Variants in CNTN5 observed in about 807,000 individuals in gnomAD.
CNTN5 encodes contactin 5.
A neutral mutation model predicts 129.1 loss-of-function variants in CNTN5; 77 were observed. The observed-to-expected ratio is 0.60, with a 90% CI of 0.50 to 0.72. The LOEUF (loss-of-function observed/expected upper bound fraction) is 0.72, where lower values mean the gene tolerates loss of function less well. CNTN5 is among the 30% of genes least tolerant of loss of function. The pLI is 0.00. For missense variants in CNTN5, 1,478 were observed against 1,328.8 expected (o/e 1.11, Z -1.75); for synonymous variants, 509 against 465.6 (o/e 1.09, Z -1.20).
At chr11:99,262,262 G>C (rs1356319352) in intron 1 of CNTN5, among the ~76,000 whole-genome samples, 1 of 151,988 alleles carries the variant, frequency 6.6e-6, no homozygotes, top group Non-Finnish European at 1.5e-5. Flanking sequence ...ACCTTACTCA[G>C]AGAGAATTCA....
chr11:99,825,370 C>G (rs1946921630), intron 4 of CNTN5, among the ~76,000 whole-genome samples: 1 of 151,934 alleles, frequency 6.6e-6, no homozygotes, highest in Non-Finnish European at 1.5e-5. Flanking sequence ...AGAAATTTCT[C>G]AAGTATAACA....
intron 2 of CNTN5, among the ~76,000 whole-genome samples, chr11:99,379,289 TGAA>T (rs926786601): frequency 2.6e-5 from 4 of 151,170 alleles, no homozygotes; most frequent in African/African-American, 7.3e-5. Flanking sequence ...ATAACTATGA[TGAA>T]GTTGATTTTT....
intron 3 of CNTN5, among the ~76,000 whole-genome samples, chr11:99,580,343 A>T (rs1313418877): frequency 6.6e-6 from 1 of 152,212 alleles, no homozygotes; most frequent in African/African-American, 2.4e-5. Flanking sequence ...TGCTGGCCTC[A>T]TAAAATGAGT....
Position 99,778,323 on chromosome 11 carries a change from G to A in CNTN5, c.56-41221G>A, listed in dbSNP as rs1054407651. ...CTTGATCAATATTGAGCAATGATTA[G>A]GTGTAGGTCTATGACATCACCTTAC... is the stretch of plus-strand genomic sequence containing the variant. On this transcript the variant is annotated intron_variant, in intron 3 of 24. Transcript: ENST00000524871. Among the ~76,000 whole-genome samples the A allele has an allele frequency of 2.6e-5, 4 of 151,850 alleles. No individual in the cohort carries two copies. The East Asian group carries it at 5.9e-4, about 22-fold the overall frequency.
chr11:99,062,362 C>CT (rs1258408420), intron 1 of CNTN5, among the ~76,000 whole-genome samples: 1 of 152,056 alleles, frequency 6.6e-6, no homozygotes, highest in Non-Finnish European at 1.5e-5. Context: ...CCTACCTGGG[C>CT]AAGGGATTGG....
At chr11:99,596,132 C>T (rs1189931109) in intron 3 of CNTN5, among the ~76,000 whole-genome samples, 3 of 152,126 alleles carry the variant, frequency 2.0e-5, no homozygotes, top group African/African-American at 7.2e-5. Flanking sequence ...TAAATTAAAG[C>T]TTTTGCAGGA....
In CNTN5 at chr11:99,863,003, G is replaced by T. The variant is rs544158998; in HGVS notation, c.577+17741G>T. ...CTAAAAAGTATAAATAGCAATCTAG[G>T]TCATCAACTTGTATTGCTTTATTAT... On this transcript the variant is annotated intron_variant, in intron 6 of 24. Transcript: ENST00000524871. Among the ~76,000 whole-genome samples, 4 of 152,096 alleles carry T rather than the reference G, an allele frequency of 2.6e-5. No individual in the cohort carries two copies. In the East Asian group the frequency reaches 7.7e-4, roughly 29 times the overall value.
At chr11:100,306,861 A>T (rs959863994) in intron 20 of CNTN5, among the ~76,000 whole-genome samples, 1 of 151,748 alleles carries the variant, frequency 6.6e-6, no homozygotes, top group African/African-American at 2.4e-5. Flanking sequence ...TCAAAAGGTG[A>T]CAGAATGAGA....
intron 9 of CNTN5, among the ~76,000 whole-genome samples, chr11:100,028,680 A>G (rs1941549102): frequency 6.6e-6 from 1 of 152,184 alleles, no homozygotes; most frequent in Non-Finnish European, 1.5e-5. Flanking sequence ...CATGGTGTCA[A>G]CTGAAAATAG....
At chr11:100,276,192 C>A (rs1187576110) in intron 18 of CNTN5, among the ~76,000 whole-genome samples, 1 of 152,016 alleles carries the variant, frequency 6.6e-6, no homozygotes, top group Non-Finnish European at 1.5e-5. Flanking sequence ...TGCCAAAAAA[C>A]AGAATTTTTC....
At chr11:99,101,588 A>G (rs983036031) in intron 1 of CNTN5, among the ~76,000 whole-genome samples, 2 of 152,234 alleles carry the variant, frequency 1.3e-5, no homozygotes, top group Non-Finnish European at 2.9e-5. Context: ...TACAGGCCCT[A>G]TGCCAGTTTA....
chr11:99,037,557 T>G (rs1445279878), intron 1 of CNTN5, among the ~76,000 whole-genome samples: 1 of 150,872 alleles, frequency 6.6e-6, no homozygotes, highest in East Asian at 2.0e-4. Context: ...GGGACATATT[T>G]TTCCTTCTTT....
At chr11:99,783,889 G>T (rs1419653599) in intron 3 of CNTN5, among the ~76,000 whole-genome samples, 1 of 151,608 alleles carries the variant, frequency 6.6e-6, no homozygotes, top group Admixed American at 6.6e-5. Flanking sequence ...GTTAGTGGGT[G>T]CAGTGCACCA....
chr11:99,719,277 G>A (rs930051405), intron 3 of CNTN5, among the ~76,000 whole-genome samples: 5 of 152,000 alleles, frequency 3.3e-5, no homozygotes, highest in African/African-American at 7.2e-5. Context: ...CTGAGATCAC[G>A]CCACTGTACT....
intron 15 of CNTN5, among the ~76,000 whole-genome samples, chr11:100,205,248 G>A (rs1229443333): frequency 1.3e-5 from 2 of 151,886 alleles, no homozygotes; most frequent in African/African-American, 4.8e-5. Flanking sequence ...CATCTGTTTT[G>A]TATTAAATTC....
At chr11:100,150,408 T>C (rs1591318933) in intron 13 of CNTN5, among the ~76,000 whole-genome samples, 1 of 99,904 alleles carries the variant, frequency 1.0e-5, no homozygotes, top group Non-Finnish European at 2.3e-5. Context: ...ATTTCAAATT[T>C]TTTTCTTTAA....
At chr11:99,028,202 T>G (rs2135076132) in intron 1 of CNTN5, among the ~76,000 whole-genome samples, 1 of 151,996 alleles carries the variant, frequency 6.6e-6, no homozygotes, top group South Asian at 2.1e-4. Flanking sequence ...GTTTTAAAAA[T>G]ATATGACTGT....
At chr11:100,034,560 A>C (rs1053330730) in intron 9 of CNTN5, among the ~76,000 whole-genome samples, 2 of 152,284 alleles carry the variant, frequency 1.3e-5, no homozygotes, top group Admixed American at 6.5e-5. Context: ...TGCTGCATAC[A>C]GAGTGTCCTA....
At chr11:99,301,735 A>C (rs1041956054) in intron 1 of CNTN5, among the ~76,000 whole-genome samples, 4 of 151,826 alleles carry the variant, frequency 2.6e-5, no homozygotes, top group Admixed American at 1.3e-4. Flanking sequence ...TAAACCAATT[A>C]GTCTACACAT....
Sources: gnomAD v4.1 joint callset for allele counts (sites outside exome capture counted in the v4.1 genomes callset) on GRCh38, gnomAD v4.1.1 for gene constraint, MANE v1.5 for transcripts, NCBI Gene and HGNC (gene_info 2026-07-23, HGNC 2026-07-21) for gene names.